Variants in ROBO1 observed in about 807,000 individuals in gnomAD.
The protein encoded by ROBO1 is roundabout homolog 1.
ROBO1 carries 149 observed loss-of-function variants against 195.9 expected under a neutral mutation model. The ratio of observed to expected loss-of-function variants is 0.76; its 90% CI spans 0.67 to 0.87. The LOEUF is 0.87. ROBO1 is among the 40% of genes least tolerant of loss of function. ROBO1 has a pLI of 0.00. For missense variants in ROBO1, 1,933 were observed against 2,068.3 expected (o/e 0.93, Z 1.27); for synonymous variants, 816 against 733.2 (o/e 1.11, Z -1.82).
chr3:78,716,681 C>T (rs2081909937), intron 7 of ROBO1, among the ~76,000 whole-genome samples: 1 of 152,160 alleles, frequency 6.6e-6, no homozygotes, highest in Admixed American at 6.5e-5. Flanking sequence ...AATCCCAACA[C>T]CTAGACAGAA....
At chr3:79,266,609 T>G (rs574173010) in intron 2 of ROBO1, among the ~76,000 whole-genome samples, 3 of 151,586 alleles carry the variant, frequency 2.0e-5, no homozygotes, top group Non-Finnish European at 4.4e-5. Context: ...TTTCTAAGGA[T>G]AGTGGGTCCT....
intron 2 of ROBO1, among the ~76,000 whole-genome samples, chr3:79,244,412 T>G (rs933875019): frequency 2.6e-5 from 4 of 152,124 alleles, no homozygotes; most frequent in African/African-American, 9.6e-5. Context: ...TAATCCATCT[T>G]TAAGCTCAGT....
At chr3:78,945,993 A>T (rs2040418426) in intron 3 of ROBO1, among the ~76,000 whole-genome samples, 1 of 152,118 alleles carries the variant, frequency 6.6e-6, no homozygotes, top group Admixed American at 6.5e-5. Context: ...AAAGAAATCA[A>T]CAAAGCCTCC....
rs376847030 is a variant in ROBO1 at position 79,052,330 on chromosome 3, T to C, written c.172+73126A>G. 2.6e-5 allele frequency among the ~76,000 whole-genome samples: 4 copies of C among 152,144 alleles called. No homozygotes were observed. The East Asian group carries it at 7.8e-4, about 30-fold the overall frequency. ...TTGGGAAATTCCAGCCTGGTGAAAT[T>C]TTAGTCAGACTGGTTGTCTGCTCTT... On this transcript the variant is annotated intron_variant, in intron 3 of 30. Transcript: ENST00000464233.
intron 2 of ROBO1, among the ~76,000 whole-genome samples, chr3:79,175,113 A>G (rs943261947): frequency 4.6e-5 from 7 of 152,132 alleles, no homozygotes; most frequent in Non-Finnish European, 7.4e-5. Flanking sequence ...AGGTAATAGT[A>G]ATTTACCATT....
intron 4 of ROBO1, among the ~76,000 whole-genome samples, chr3:78,864,144 C>T (rs2035019880): frequency 1.3e-5 from 2 of 152,184 alleles, no homozygotes; most frequent in Admixed American, 6.5e-5. Context: ...CAATCCTATT[C>T]ATCCCTCTCC....
intron 2 of ROBO1, among the ~76,000 whole-genome samples, chr3:79,465,260 T>A (rs975252704): frequency 2.0e-5 from 3 of 152,208 alleles, no homozygotes; most frequent in Non-Finnish European, 4.4e-5. Context: ...TAGTCTGTTT[T>A]AACGGTGGTT....
intron 2 of ROBO1, among the ~76,000 whole-genome samples, chr3:79,264,333 A>G (rs1487939247): frequency 6.6e-6 from 1 of 151,688 alleles, no homozygotes; most frequent in East Asian, 1.9e-4. Context: ...TTCTGAATTT[A>G]TATATATATA....
At chr3:79,605,275 C>T (rs1329064128) in intron 1 of ROBO1, among the ~76,000 whole-genome samples, 1 of 143,240 alleles carries the variant, frequency 7.0e-6, no homozygotes, top group Non-Finnish European at 1.5e-5. Context: ...TTTTTCTCTG[C>T]CTTGCTTCTA....
chr3:78,879,681 T>C (rs1315653706), intron 4 of ROBO1, among the ~76,000 whole-genome samples: 1 of 151,812 alleles, frequency 6.6e-6, no homozygotes, highest in Non-Finnish European at 1.5e-5. Flanking sequence ...GTCGGAAGCA[T>C]CCCTCTGGAT....
chr3:79,187,219 A>T (rs1167578219), intron 2 of ROBO1, among the ~76,000 whole-genome samples: 1 of 152,016 alleles, frequency 6.6e-6, no homozygotes, highest in Admixed American at 6.6e-5. Flanking sequence ...AAACTTTCTG[A>T]GCATTAGATC....
intron 1 of ROBO1, among the ~76,000 whole-genome samples, chr3:79,739,758 A>G (rs1703544731): frequency 1.3e-5 from 2 of 152,174 alleles, no homozygotes; most frequent in Admixed American, 1.3e-4. Flanking sequence ...CACTGGAGAT[A>G]CCTTGTGGTC....
chr3:79,152,641 G>A (rs1024438231), intron 2 of ROBO1, among the ~76,000 whole-genome samples: 19 of 151,738 alleles, frequency 1.3e-4, no homozygotes, highest in Non-Finnish European at 1.3e-4. Context: ...TCACAAAAAC[G>A]AATAATATGA....
rs554672652 is a variant in ROBO1, at chr3:78,721,880, T to C, written c.658-3997A>G. 1.2e-4 allele frequency among the ~76,000 whole-genome samples: 18 copies of C among 152,262 alleles called. No individual in the cohort carries two copies. In the South Asian group the frequency reaches 3.7e-3, roughly 32 times the overall value. ...ATTATATATTACAGCCCAATGCTAT[T>C]ATATGTTGAAAGAATCTATACAAAT... On this transcript the variant is annotated intron_variant, in intron 5 of 30. Coordinates refer to ENST00000464233, the MANE Select transcript of ROBO1 (RefSeq NM_002941.4).
At chr3:78,780,784 C>T (rs1473426718) in intron 4 of ROBO1, among the ~76,000 whole-genome samples, 1 of 152,096 alleles carries the variant, frequency 6.6e-6, no homozygotes, top group East Asian at 1.9e-4. Flanking sequence ...GCTGCTTCTC[C>T]TCCCTTATCT....
At chr3:79,692,830 A>AT (rs1219727845) in intron 1 of ROBO1, among the ~76,000 whole-genome samples, 4 of 151,766 alleles carry the variant, frequency 2.6e-5, no homozygotes, top group African/African-American at 9.7e-5. Flanking sequence ...TGGGTTTACA[A>AT]TTTTTTTCAG....
chr3:78,645,458 A>AG (rs1298647410), intron 21 of ROBO1, among the ~76,000 whole-genome samples: 3 of 151,210 alleles, frequency 2.0e-5, no homozygotes, highest in African/African-American at 7.3e-5. Flanking sequence ...TGGAGAAAAA[A>AG]AAAACATCTT....
chr3:79,499,113 G>A (rs1939913413), intron 2 of ROBO1, among the ~76,000 whole-genome samples: 1 of 152,042 alleles, frequency 6.6e-6, no homozygotes, highest in African/African-American at 2.4e-5. Context: ...TCTTGCCTCA[G>A]CCTCCTGAGT....
Position 79,182,542 on chromosome 3 carries a change from G to GGTGTGTGTGTGT in ROBO1, c.89-57015_89-57004dup, listed in dbSNP as rs71127377. 4.0e-3 allele frequency among the ~76,000 whole-genome samples: 588 copies of GGTGTGTGTGTGT among 148,530 alleles called. 4 individuals carry two copies. The highest frequency in any genetic ancestry group is 0.013 in the African/African-American group (531 of 40,378). On this transcript the variant is annotated intron_variant, in intron 2 of 30. Transcript: ENST00000464233. ...CTGCCTTCATCAGCACTGGGGCACA[G>GGTGTGTGTGTGT]GTGTGTGTGTGTGTGTGTGTGTGTG...
Sources: gnomAD v4.1 joint callset for allele counts (sites outside exome capture counted in the v4.1 genomes callset) on GRCh38, gnomAD v4.1.1 for gene constraint, MANE v1.5 for transcripts, NCBI Gene and HGNC (gene_info 2026-07-23, HGNC 2026-07-21) for gene names.